The following GOLPH3 variants were observed in gnomAD, a reference collection of about 807,000 sequenced individuals.
GOLPH3 encodes coat protein GPP34.
In GOLPH3, 14 loss-of-function variants were observed where a neutral mutation model predicts 28.5. The observed-to-expected ratio is 0.49, with a 90% CI of 0.32 to 0.77. The LOEUF (loss-of-function observed/expected upper bound fraction) is 0.77, where lower values mean the gene tolerates loss of function less well. GOLPH3 is among the 30% of genes least tolerant of loss of function. The probability of loss-of-function intolerance (pLI) is 0.03; values close to 1 mark genes in which losing one functional copy is unlikely to be tolerated. For missense variants in GOLPH3, 350 were observed against 393.7 expected, an observed-to-expected ratio of 0.89 and a Z score of 0.94; for synonymous variants, 158 against 159.2, an observed-to-expected ratio of 0.99 and a Z score of 0.06.
chr5:32,161,009 G>A (rs1376863450), intron 1 of GOLPH3, among the ~76,000 whole-genome samples: 3 of 142,624 alleles, frequency 2.1e-5, no homozygotes, highest in African/African-American at 8.0e-5. Context: ...GGAGCCTGCA[G>A]TGAGCCGAGA....
rs1745687086 is a variant in GOLPH3, at chr5:32,126,606, T to C, written c.503A>G (p.Tyr168Cys). Residue 168 changes from tyrosine (Y) to cysteine (C), a missense_variant, in exon 4 of 4, where the codon TAT becomes TGT. Coordinates refer to ENST00000265070, the MANE Select transcript of GOLPH3 (RefSeq NM_022130.4). ...GETWNPLKLH[Y>C]QLRNVRERLA... ...TCGTTCCCGTACATTTCTTAACTGA[T>C]AATGCAATTTTAATGGATTCCATGT... 2 of 1,613,302 alleles carry C rather than the reference T, an allele frequency of 1.2e-6. No individual in the cohort carries two copies. Among genetic ancestry groups the C allele is most frequent in the African/African-American group, 2.7e-5 (2 of 74,948 alleles).
chr5:32,162,417 G>A (rs1029583859), intron 1 of GOLPH3, among the ~76,000 whole-genome samples: 2 of 149,832 alleles, frequency 1.3e-5, no homozygotes, highest in South Asian at 2.1e-4. Flanking sequence ...GCATGAACCC[G>A]GGAGGCGGAG....
rs1746554514 is a variant in GOLPH3 at position 32,160,838 on chromosome 5, CG to C, written c.225+12971del. 2.6e-5 allele frequency among the ~76,000 whole-genome samples: 4 copies of C among 151,566 alleles called. No individual in the cohort carries two copies. The South Asian group carries it at 8.3e-4, about 32-fold the overall frequency. ...ATCCCAGCACTTTGGGAGGCCAAGG[CG>C]GGCGGACCACGAGGTCAGGAGATCG... On this transcript the variant is annotated intron_variant, in intron 1 of 3. Transcript: ENST00000265070.
At chr5:32,147,096 A>C (rs57104109) in intron 1 of GOLPH3, among the ~76,000 whole-genome samples, 5,140 of 152,266 alleles carry the variant, frequency 0.034, 298 homozygotes, top group African/African-American at 0.12. Context: ...ATTTACAAAA[A>C]AACTTATAAA....
chr5:32,172,710 C>T (rs1448920177), intron 1 of GOLPH3, among the ~76,000 whole-genome samples: 1 of 150,288 alleles, frequency 6.7e-6, no homozygotes, highest in East Asian at 1.9e-4. Context: ...CAAAACAAAA[C>T]AAAAACACAA....
rs1745921611 is a variant in GOLPH3, at chr5:32,135,879, T to C, written c.358-193A>G. Among the ~76,000 whole-genome samples the C allele has an allele frequency of 2.0e-5, 3 of 152,188 alleles. No homozygotes were observed. The South Asian group carries it at 6.2e-4, about 32-fold the overall frequency. On this transcript the variant is annotated intron_variant, in intron 2 of 3. Transcript: ENST00000265070. ...CAATATTTAACCTAACCAGATTAGATATAATAATGAATGAAAATTGGCTAG... is the reference window on the plus strand; with the variant it reads ...CAATATTTAACCTAACCAGATTAGACATAATAATGAATGAAAATTGGCTAG...
intron 1 of GOLPH3, among the ~76,000 whole-genome samples, chr5:32,171,108 T>C (rs967150912): frequency 6.6e-6 from 1 of 152,164 alleles, no homozygotes; most frequent in African/African-American, 2.4e-5. Context: ...TTCAACAAAT[T>C]ATTTAGATTA....
intron 1 of GOLPH3, among the ~76,000 whole-genome samples, chr5:32,169,654 AT>A (rs1426296529): frequency 6.6e-6 from 1 of 152,226 alleles, no homozygotes; most frequent in Admixed American, 6.5e-5. Context: ...TCCTGAAAAT[AT>A]TCTATGGAAA....
chr5:32,143,619 T>C (rs1050337544), intron 2 of GOLPH3, 130 bp downstream of exon 2: 17 of 800,714 alleles, frequency 2.1e-5, no homozygotes, highest in African/African-American at 2.0e-4. Context: ...AAAAAAGATA[T>C]GGAAATACAA....
At chr5:32,133,224 AGGT>A (rs1182866741) in intron 3 of GOLPH3, among the ~76,000 whole-genome samples, 1 of 152,230 alleles carries the variant, frequency 6.6e-6, no homozygotes, top group South Asian at 2.1e-4. Flanking sequence ...CAGCAGCCAT[AGGT>A]GAGAACCAAG....
In GOLPH3 at chr5:32,174,143, G is replaced by GTCGCC; in HGVS notation, c.-110_-109insGGCGA. 2.8e-6 allele frequency: 2 copies of GTCGCC among 717,314 alleles called. No individual in the cohort carries two copies. Among genetic ancestry groups the GTCGCC allele is most frequent in the Non-Finnish European group, 3.8e-6 (2 of 521,102 alleles). 44.4% of individuals were successfully genotyped at this position (717,314 alleles called of 1,614,324 possible). ...CCGGGTTTCCGTGTTAAATCCGGAC[G>GTCGCC]CCGGGGCGACGTCCGTCGGCAGCAG... On this transcript the variant is annotated 5_prime_UTR_variant, in exon 1 of 4. The change abolishes the stop of an existing upstream ORF in the 5' untranslated region. Coordinates refer to ENST00000265070, the MANE Select transcript of GOLPH3 (RefSeq NM_022130.4).
At chr5:32,154,684 C>A (rs1285943858) in intron 1 of GOLPH3, among the ~76,000 whole-genome samples, 1 of 152,210 alleles carries the variant, frequency 6.6e-6, no homozygotes, top group African/African-American at 2.4e-5. Flanking sequence ...AAATTTCCAA[C>A]AGGCAGATAG....
intron 2 of GOLPH3, among the ~76,000 whole-genome samples, chr5:32,140,320 A>AAAGT (rs1293176510): frequency 6.6e-6 from 1 of 152,144 alleles, no homozygotes; most frequent in Non-Finnish European, 1.5e-5. Context: ...CCTGGGCAAT[A>AAAGT]AAGTAAGACC....
Position 32,128,868 on chromosome 5 carries a change from G to C in GOLPH3, c.473-2232C>G, listed in dbSNP as rs144126613. Among the ~76,000 whole-genome samples the C allele has an allele frequency of 6.6e-3, 1,004 of 151,792 alleles. 19 individuals are homozygous for C. Among genetic ancestry groups the C allele is most frequent in the African/African-American group, 0.023 (961 of 41,434 alleles). On this transcript the variant is annotated intron_variant, in intron 3 of 3. Coordinates refer to ENST00000265070, the MANE Select transcript of GOLPH3 (RefSeq NM_022130.4). Reference sequence around the variant, plus strand: ...AAAGTGACCTAAAACTAGGGGTAAGGGGGGAGTCAACAGAAACAGTCCCAG... The same window carrying C: ...AAAGTGACCTAAAACTAGGGGTAAGCGGGGAGTCAACAGAAACAGTCCCAG...
intron 3 of GOLPH3, among the ~76,000 whole-genome samples, chr5:32,133,069 T>C (rs1745857627): frequency 3.3e-5 from 5 of 152,230 alleles, no homozygotes; most frequent in Admixed American, 6.5e-5. Context: ...TAAAAAACCT[T>C]GCTAAGTATT....
intron 1 of GOLPH3, among the ~76,000 whole-genome samples, chr5:32,148,091 G>A (rs1445053928): frequency 6.6e-6 from 1 of 152,184 alleles, no homozygotes; most frequent in Admixed American, 6.5e-5. Flanking sequence ...AGACCCAGGT[G>A]TGGATTGCAG....
At chr5:32,158,876 C>T (rs962051245) in intron 1 of GOLPH3, among the ~76,000 whole-genome samples, 7 of 152,308 alleles carry the variant, frequency 4.6e-5, no homozygotes, top group Admixed American at 3.9e-4. Flanking sequence ...TTAAAGTGCA[C>T]ACAGTCATAC....
At chr5:32,165,438 C>A (rs1421712296) in intron 1 of GOLPH3, among the ~76,000 whole-genome samples, 2 of 152,004 alleles carry the variant, frequency 1.3e-5, no homozygotes, top group African/African-American at 2.4e-5. Flanking sequence ...CAAAAAGTAC[C>A]CCTGTGTGGT....
intron 2 of GOLPH3, among the ~76,000 whole-genome samples, chr5:32,141,128 A>T (rs183587842): frequency 3.4e-5 from 5 of 148,620 alleles, no homozygotes; most frequent in Non-Finnish European, 7.4e-5. Flanking sequence ...ACGCCACTGC[A>T]CTCCAGCCTG....
Sources: allele counts gnomAD v4.1 joint callset (sites outside exome capture counted in the v4.1 genomes callset), GRCh38; gene constraint gnomAD v4.1.1; transcripts MANE v1.5; gene names NCBI Gene and HGNC (gene_info 2026-07-23, HGNC 2026-07-21).